Variants in CPNE1 observed in about 807,000 individuals in gnomAD.
CPNE1 encodes copine 1.
In CPNE1, 58 loss-of-function variants were observed where a neutral mutation model predicts 63.2. The observed-to-expected ratio is 0.92, with a 90% CI of 0.74 to 1.14. The LOEUF is 1.14. Among genes scored for constraint, CPNE1 ranks in the 50% most tolerant of loss-of-function variants. The probability of loss-of-function intolerance (pLI) is 0.00; values close to 1 mark genes in which losing one functional copy is unlikely to be tolerated. For synonymous variants in CPNE1, 237 were observed against 249.0 expected (o/e 0.95, Z 0.45); for missense variants, 672 against 661.7 (o/e 1.02, Z -0.17).
chr20:35,658,056 T>G (rs902560729), intron 1 of CPNE1, among the ~76,000 whole-genome samples: 6 of 151,508 alleles, frequency 4.0e-5, no homozygotes, highest in South Asian at 2.1e-4. Context: ...CAAAAAGAAA[T>G]AAATAAATAA....
intron 1 of CPNE1, among the ~76,000 whole-genome samples, chr20:35,642,762 C>CT (rs2032883905): frequency 6.6e-6 from 1 of 152,188 alleles, no homozygotes; most frequent in Admixed American, 6.5e-5. Flanking sequence ...ATACATATGA[C>CT]TAAGGGCTAC....
At chr20:35,650,662 CTT>C (rs1298387036) in intron 1 of CPNE1, 2 of 152,594 alleles carry the variant, frequency 1.3e-5, no homozygotes, top group East Asian at 1.9e-4. Flanking sequence ...ATAGTCACCT[CTT>C]GAGTCTAAAC....
At chr20:35,639,658 C>T (rs761551423) in intron 1 of CPNE1, among the ~76,000 whole-genome samples, 2 of 152,192 alleles carry the variant, frequency 1.3e-5, no homozygotes, top group African/African-American at 4.8e-5. Context: ...AATTGGAGAA[C>T]TACAGGTCCT....
intron 13 of CPNE1, 59 bp downstream of exon 13, chr20:35,630,380 T>C: frequency 7.1e-7 from 1 of 1,401,712 alleles, no homozygotes; most frequent in Non-Finnish European, 1.0e-6. Flanking sequence ...CTTTTACTCA[T>C]GCAGGCTTGC....
Position 35,654,084 on chromosome 20 carries a change from C to A in CPNE1, c.-1+10676G>T, listed in dbSNP as rs757398218. ...ACCTTGATCTTTTCTGCCCACTGGG[C>A]GATTTTGACCTGGGAAGTGTCTGAG... On this transcript the variant is annotated intron_variant, in intron 1 of 15. Transcript: ENST00000397443. 5.6e-6 allele frequency: 9 copies of A among 1,614,018 alleles called. 1 individual carries two copies. Among genetic ancestry groups the A allele is most frequent in the South Asian group, 2.2e-5 (2 of 91,086 alleles).
chr20:35,663,104 C>T (rs1056361928), intron 1 of CPNE1, among the ~76,000 whole-genome samples: 3 of 152,136 alleles, frequency 2.0e-5, no homozygotes, highest in East Asian at 1.9e-4. Flanking sequence ...ATTACCATAA[C>T]GTTATTTGAA....
At chr20:35,652,830 G>GGGGCCA in intron 1 of CPNE1, 1 of 1,604,004 alleles carries the variant, frequency 6.2e-7, no homozygotes, top group Non-Finnish European at 8.5e-7. Context: ...GGCCGGGGCC[G>GGGGCCA]GGGCCGGGGC....
At chr20:35,630,534 G>T (rs763765746) in intron 12 of CPNE1, 44 bp from the exon 13 acceptor site, 7 of 1,601,640 alleles carry the variant, frequency 4.4e-6, no homozygotes. Flanking sequence ...CATGACCTCT[G>T]CTAAGAATGA....
intron 13 of CPNE1, among the ~76,000 whole-genome samples, chr20:35,628,146 G>A (rs186706380): frequency 1.9e-3 from 281 of 151,826 alleles, no homozygotes; most frequent in Middle Eastern, 0.017. Context: ...CTAGCCGGGC[G>A]TGGTGGTGGG....
intron 1 of CPNE1, chr20:35,655,365 C>T (rs980233605): frequency 6.4e-6 from 10 of 1,559,320 alleles, no homozygotes; most frequent in Admixed American, 3.6e-5. Context: ...GAAAAGGCAA[C>T]GGCCAGGTCA....
chr20:35,626,422 C>T, intron 15 of CPNE1, 41 bp from the exon 16 acceptor site: 2 of 1,610,328 alleles, frequency 1.2e-6, no homozygotes, highest in Non-Finnish European at 1.7e-6. Flanking sequence ...CCCAGAACAG[C>T]TGCCCAAAGT....
chr20:35,641,560 A>G (rs1456304655), intron 1 of CPNE1, among the ~76,000 whole-genome samples: 3 of 152,196 alleles, frequency 2.0e-5, no homozygotes, highest in African/African-American at 7.2e-5. Flanking sequence ...GATAGTATCT[A>G]TTTCTGAAGA....
At chr20:35,629,847 T>C (rs6060521) in intron 13 of CPNE1, among the ~76,000 whole-genome samples, 1 of 152,010 alleles carries the variant, frequency 6.6e-6, no homozygotes, top group African/African-American at 2.4e-5. Context: ...TTAGTAGAGA[T>C]GGGGTTTTGC....
intron 1 of CPNE1, chr20:35,654,452 G>T (rs764379695): frequency 6.2e-7 from 1 of 1,614,202 alleles, no homozygotes; most frequent in Non-Finnish European, 8.5e-7. Flanking sequence ...ACACTGCTCT[G>T]AGAGTTCATC....
At chr20:35,662,211 C>T (rs7361123) in intron 1 of CPNE1, among the ~76,000 whole-genome samples, 2 of 152,160 alleles carry the variant, frequency 1.3e-5, no homozygotes, top group Non-Finnish European at 2.9e-5. Context: ...GATATTCCTC[C>T]TGTCAAAAAT....
intron 1 of CPNE1, 145 bp from the exon 2 acceptor site, chr20:35,633,068 C>T (rs1167781727): frequency 6.1e-6 from 4 of 660,798 alleles, no homozygotes; most frequent in African/African-American, 3.6e-5. Flanking sequence ...GAAGAGAAGG[C>T]CTCATAGCCT....
intron 1 of CPNE1, among the ~76,000 whole-genome samples, chr20:35,635,666 C>G (rs1461028292): frequency 3.3e-5 from 5 of 152,192 alleles, no homozygotes; most frequent in African/African-American, 1.2e-4. Context: ...GCAGTGCACA[C>G]GAGGTCAGAT....
intron 1 of CPNE1, chr20:35,653,421 T>C (rs1349002189): frequency 6.2e-7 from 1 of 1,613,972 alleles, no homozygotes; most frequent in East Asian, 2.2e-5. Context: ...CCTTTTTTCC[T>C]TGGGCAGGGG....
chr20:35,653,566 C>A, intron 1 of CPNE1: 1 of 1,614,202 alleles, frequency 6.2e-7, no homozygotes, highest in Non-Finnish European at 8.5e-7. Context: ...CAATGCCTGT[C>A]CTAGACCTTG....
Sources: allele counts gnomAD v4.1 joint callset (sites outside exome capture counted in the v4.1 genomes callset), GRCh38; gene constraint gnomAD v4.1.1; transcripts MANE v1.5; gene names NCBI Gene and HGNC (gene_info 2026-07-23, HGNC 2026-07-21).